The following RIPOR3 variants were observed in gnomAD, a reference collection of about 807,000 sequenced individuals.
RIPOR3 encodes the protein family with sequence similarity 65 member C.
RIPOR3 carries 95 observed loss-of-function variants against 114.3 expected under a neutral mutation model. The observed-to-expected ratio is 0.83, with a 90% confidence interval of 0.70 to 0.99. The LOEUF is 0.99. Ranked by LOEUF, RIPOR3 falls within the 50% of genes least tolerant of loss-of-function variation. RIPOR3 has a pLI of 0.00. For missense variants in RIPOR3, 1,252 were observed against 1,266.9 expected (o/e 0.99, Z 0.18); for synonymous variants, 575 against 543.8 (o/e 1.06, Z -0.80).
chr20:50,599,677 G>A (rs1358093950), intron 13 of RIPOR3, among the ~76,000 whole-genome samples: 2 of 152,128 alleles, frequency 1.3e-5, no homozygotes, highest in Non-Finnish European at 2.9e-5. Flanking sequence ...AAACAGGAAG[G>A]CAAAGCATTG....
At chr20:50,666,181 C>CTTTTCTTTTCTTTTCTTTT in intron 1 of RIPOR3, among the ~76,000 whole-genome samples, 1 of 14,964 alleles carries the variant, frequency 6.7e-5, no homozygotes, top group East Asian at 0.01. Flanking sequence ...GAAAGGACAC[C>CTTTTCTTTTCTTTTCTTTT]CATTTCTTTT....
Position 50,630,743 on chromosome 20 carries a change from C to A in RIPOR3, c.117G>T (p.Arg39Ser). Residue 39 changes from arginine to serine, a missense_variant, in exon 2 of 22, where the codon AGG becomes AGT. By Grantham distance (110) the Arg-to-Ser change is moderately radical (BLOSUM62 -1). Coordinates refer to ENST00000327979, the MANE Select transcript of RIPOR3 (RefSeq NM_001290268.2). ...FAGFSSAQSR[R>S]IAKSINRNSV... ...AGGACACGGGGGGAACTTACGCGAT[C>A]CTCCGGCTCTGTGCACTGCTGAAGC... is the stretch of plus-strand genomic sequence containing the variant. The A allele has an allele frequency of 1.2e-6, 2 of 1,607,742 alleles. No individual in the cohort carries two copies. The highest frequency in any genetic ancestry group is 2.2e-5 in the East Asian group (1 of 44,532).
rs150387614 is a variant in RIPOR3, at chr20:50,596,067, C to T, written c.1914+73G>A. On this transcript the variant is annotated intron_variant, in intron 15 of 21. Transcript: ENST00000327979. ...ACCCCTTCATGCTTCCCACCACCTT[C>T]AAGATGAGCCTTTGCAAAGAGGACT... The T allele has an allele frequency of 7.7e-4, 1,236 of 1,595,942 alleles. 8 individuals carry two copies. In the African/African-American group the frequency reaches 0.015, roughly 19 times the overall value.
At chr20:50,648,149 A>G (rs143894858) in intron 1 of RIPOR3, among the ~76,000 whole-genome samples, 3,157 of 151,900 alleles carry the variant, frequency 0.021, 117 homozygotes, top group African/African-American at 0.073. Context: ...GTTGGTGGGC[A>G]CCTGTAATCC....
At chr20:50,645,621 C>G (rs981621306) in intron 1 of RIPOR3, 1 of 152,838 alleles carries the variant, frequency 6.5e-6, no homozygotes, top group Non-Finnish European at 1.5e-5. Context: ...ATCCCCGCTC[C>G]CTCCAGCTGC....
intron 14 of RIPOR3, chr20:50,597,377 C>G (rs1409898401): frequency 1.5e-6 from 1 of 680,908 alleles, no homozygotes; most frequent in Non-Finnish European, 2.4e-6. Flanking sequence ...TGATCTCACC[C>G]ACTTCGTGGT....
chr20:50,690,635 G>T (rs1318990351), intron 1 of RIPOR3, among the ~76,000 whole-genome samples: 2 of 152,112 alleles, frequency 1.3e-5, no homozygotes, highest in Non-Finnish European at 2.9e-5. Flanking sequence ...TTTAGCCAAA[G>T]CAAGTCAGAA....
intron 2 of RIPOR3, among the ~76,000 whole-genome samples, chr20:50,629,473 G>C (rs545669102): frequency 7.9e-5 from 12 of 152,136 alleles, no homozygotes; most frequent in Non-Finnish European, 1.8e-4. Flanking sequence ...TGAGCTCATC[G>C]GGCTGTGGCC....
intron 1 of RIPOR3, among the ~76,000 whole-genome samples, chr20:50,664,625 C>A (rs773574513): frequency 2.0e-5 from 3 of 152,130 alleles, no homozygotes; most frequent in Non-Finnish European, 2.9e-5. Context: ...CTCAGAGCTG[C>A]GCATTTTTAT....
At chr20:50,690,083 T>C (rs2087157077) in intron 1 of RIPOR3, among the ~76,000 whole-genome samples, 1 of 152,192 alleles carries the variant, frequency 6.6e-6, no homozygotes, top group African/African-American at 2.4e-5. Context: ...GCTGCAGGGA[T>C]ATATATGCAA....
chr20:50,669,968 C>G (rs2086407648), intron 1 of RIPOR3, among the ~76,000 whole-genome samples: 1 of 151,664 alleles, frequency 6.6e-6, no homozygotes, highest in African/African-American at 2.4e-5. Flanking sequence ...ACCAGCCTGG[C>G]CAACCTGGCG....
intron 1 of RIPOR3, among the ~76,000 whole-genome samples, chr20:50,669,659 G>A (rs2086391658): frequency 6.6e-6 from 1 of 152,126 alleles, no homozygotes; most frequent in South Asian, 2.1e-4. Context: ...GGCCCCTGGA[G>A]GTGCAGCAAG....
At chr20:50,588,950 T>C (rs1240475987) in intron 20 of RIPOR3, among the ~76,000 whole-genome samples, 1 of 151,072 alleles carries the variant, frequency 6.6e-6, no homozygotes, top group Non-Finnish European at 1.5e-5. Context: ...GGCGTGGTGG[T>C]GGGCGCCTGT....
chr20:50,629,062 G>C (rs979650015), intron 2 of RIPOR3, among the ~76,000 whole-genome samples: 1 of 152,188 alleles, frequency 6.6e-6, no homozygotes, highest in East Asian at 1.9e-4. Flanking sequence ...ACTGGAGGTG[G>C]AGGAGTGGGG....
chr20:50,671,416 GCACGCGCGCGCGCA>G (rs2086482668), intron 1 of RIPOR3, among the ~76,000 whole-genome samples: 1 of 41,570 alleles, frequency 2.4e-5, no homozygotes, highest in South Asian at 1.6e-3. Context: ...ACGCGCGCGT[GCACGCGCGCGCGCA>G]CACACACACA....
At chr20:50,664,034 C>T (rs1225233773) in intron 1 of RIPOR3, among the ~76,000 whole-genome samples, 1 of 150,806 alleles carries the variant, frequency 6.6e-6, no homozygotes, top group Non-Finnish European at 1.5e-5. Flanking sequence ...TCAAGCGATT[C>T]TCCTGCCTCA....
intron 1 of RIPOR3, among the ~76,000 whole-genome samples, chr20:50,651,280 A>C (rs1256141324): frequency 6.6e-6 from 1 of 152,214 alleles, no homozygotes; most frequent in East Asian, 1.9e-4. Flanking sequence ...ACGGAACTGA[A>C]TGACCTTGGA....
chr20:50,613,436 G>C (rs967039782), intron 4 of RIPOR3, among the ~76,000 whole-genome samples: 1 of 152,060 alleles, frequency 6.6e-6, no homozygotes, highest in African/African-American at 2.4e-5. Flanking sequence ...CTGGGTGACA[G>C]AGCGAGAATC....
chr20:50,619,471 GA>G (rs1402592342), intron 3 of RIPOR3, among the ~76,000 whole-genome samples: 2 of 151,364 alleles, frequency 1.3e-5, no homozygotes, highest in Non-Finnish European at 2.9e-5. Flanking sequence ...TTTGTGGAGT[GA>G]CTCATCCTTC....
Sources: allele counts gnomAD v4.1 joint callset (sites outside exome capture counted in the v4.1 genomes callset), GRCh38; gene constraint gnomAD v4.1.1; transcripts MANE v1.5; gene names NCBI Gene and HGNC (gene_info 2026-07-23, HGNC 2026-07-21).